KLHDC1: variants seen among roughly 807,000 people sequenced by gnomAD.
KLHDC1 encodes the protein kelch domain-containing protein 1.
KLHDC1 carries 53 observed loss-of-function variants against 68.3 expected under a neutral mutation model. That is an observed-to-expected ratio of 0.78 (90% CI 0.62 to 0.98). The LOEUF (loss-of-function observed/expected upper bound fraction) is 0.98, where lower values mean the gene tolerates loss of function less well. Among genes scored for constraint, KLHDC1 ranks in the 50% least tolerant of loss-of-function variants. The pLI is 0.00. For synonymous variants in KLHDC1, 148 were observed against 159.0 expected (o/e 0.93, Z 0.52); for missense variants, 470 against 492.3 (o/e 0.95, Z 0.43).
chr14:49,705,328 A>C (rs1447174464), intron 1 of KLHDC1, among the ~76,000 whole-genome samples: 2 of 149,582 alleles, frequency 1.3e-5, no homozygotes, highest in African/African-American at 4.9e-5. Flanking sequence ...ACTTAAACAG[A>C]GTAATGACAA....
At chr14:49,707,733 C>G (rs1888095332) in intron 1 of KLHDC1, 2 of 150,216 alleles carry the variant, frequency 1.3e-5, no homozygotes. Context: ...TCACTACAGC[C>G]TCGAACTCCT....
At position 49,751,607 on chromosome 14, in the gene KLHDC1, T is replaced by C. The variant is rs1437769735; in HGVS notation, c.1056T>C (p.Gly352=). 3 of 1,570,288 alleles carry C rather than the reference T, an allele frequency of 1.9e-6. No individual in the cohort carries two copies. Among genetic ancestry groups the C allele is most frequent in the Admixed American group, 3.6e-5 (2 of 55,148 alleles). Residue 352 remains glycine (G), a synonymous_variant, in exon 13 of 13, where the codon GGT becomes GGC. Coordinates refer to ENST00000359332, the MANE Select transcript of KLHDC1 (RefSeq NM_172193.3). ...SLLRSCLDCI[G]KNSIMLESQI... ...ACAGGTCATGCCTTGACTGCATTGG[T>C]AAAAATTCTATCATGTTAGAAAGTC... is the stretch of plus-strand genomic sequence containing the variant.
intron 4 of KLHDC1, among the ~76,000 whole-genome samples, chr14:49,711,204 T>G (rs1341601347): frequency 6.6e-6 from 1 of 151,484 alleles, no homozygotes; most frequent in Non-Finnish European, 1.5e-5. Context: ...GTTTGTTTAT[T>G]TATTTATTTA....
At position 49,696,958 on chromosome 14, in the gene KLHDC1, A is replaced by G. The variant is rs530904903; in HGVS notation, c.96+3668A>G. 3.0e-3 allele frequency among the ~76,000 whole-genome samples: 440 copies of G among 148,610 alleles called. 3 individuals carry two copies. Among genetic ancestry groups the G allele is most frequent in the African/African-American group, 0.011 (425 of 40,270 alleles). On this transcript the variant is annotated intron_variant, in intron 1 of 12. Coordinates refer to ENST00000359332, the MANE Select transcript of KLHDC1 (RefSeq NM_172193.3). ...ACTTTCTTTTTTTTTTTTTTTTAAG[A>G]CGGAGTCTCGCTCCATCGCCGAGGC...
intron 1 of KLHDC1, chr14:49,708,719 T>A (rs1007839259): frequency 6.5e-6 from 1 of 153,616 alleles, no homozygotes; most frequent in African/African-American, 2.4e-5. Flanking sequence ...CTGAGATATC[T>A]TAATAAGATA....
chr14:49,712,254 G>A (rs972099049), intron 4 of KLHDC1, among the ~76,000 whole-genome samples: 7 of 151,942 alleles, frequency 4.6e-5, no homozygotes, highest in African/African-American at 1.7e-4. Context: ...TTTTATTCTA[G>A]AGATTTCCTT....
intron 1 of KLHDC1, among the ~76,000 whole-genome samples, chr14:49,695,263 G>C (rs1204630605): frequency 6.6e-6 from 1 of 151,982 alleles, no homozygotes; most frequent in Non-Finnish European, 1.5e-5. Flanking sequence ...GCTAATTTTT[G>C]TATTTTTTAC....
At chr14:49,726,505 C>T (rs1009164296) in intron 6 of KLHDC1, among the ~76,000 whole-genome samples, 1 of 152,164 alleles carries the variant, frequency 6.6e-6, no homozygotes, top group Non-Finnish European at 1.5e-5. Flanking sequence ...ATTCTTTACC[C>T]ACAAGTGTCA....
In KLHDC1 at chr14:49,693,127, G is replaced by A. The variant is rs1207009603; in HGVS notation, c.-68G>A. ...TCCGTTCGTGCGTGGAGCAGTCGGG[G>A]CTGGAGGCGAGGCCGCCGGGCGGGC... On this transcript the variant is annotated 5_prime_UTR_variant, in exon 1 of 13. Coordinates refer to ENST00000359332, the MANE Select transcript of KLHDC1 (RefSeq NM_172193.3). 2 of 1,379,780 alleles carry A rather than the reference G, an allele frequency of 1.4e-6. No individual in the cohort carries two copies. The highest frequency in any genetic ancestry group is 5.7e-5 in the East Asian group (2 of 35,108). The allele number at this position is 1,379,780 out of a possible 1,614,324, so 85.5% of individuals were successfully genotyped here. A position where few individuals can be genotyped will look rare whatever the true frequency, so the allele number is the denominator to read the frequency against.
intron 6 of KLHDC1, among the ~76,000 whole-genome samples, chr14:49,726,974 C>G (rs1024238376): frequency 5.9e-5 from 9 of 152,014 alleles, no homozygotes; most frequent in Non-Finnish European, 1.3e-4. Context: ...GCTGGGCTTG[C>G]TGGCTCATGC....
chr14:49,698,040 A>T (rs2139726917), intron 1 of KLHDC1, among the ~76,000 whole-genome samples: 1 of 152,294 alleles, frequency 6.6e-6, no homozygotes, highest in East Asian at 1.9e-4. Context: ...AAGAGTCTAG[A>T]TATAAAGGTG....
intron 12 of KLHDC1, among the ~76,000 whole-genome samples, chr14:49,748,962 G>A (rs953049341): frequency 4.6e-5 from 7 of 151,644 alleles, no homozygotes; most frequent in African/African-American, 7.3e-5. Flanking sequence ...CATCACACCC[G>A]GCTAATTTTT....
intron 9 of KLHDC1, among the ~76,000 whole-genome samples, chr14:49,733,922 G>C: frequency 6.6e-6 from 1 of 152,172 alleles, no homozygotes; most frequent in African/African-American, 2.4e-5. Flanking sequence ...ACAGTTCCTA[G>C]TAGGAGATGT....
In KLHDC1 at chr14:49,697,002, T is replaced by C. The variant is rs1395587271; in HGVS notation, c.96+3712T>C. 4.6e-5 allele frequency among the ~76,000 whole-genome samples: 7 copies of C among 151,802 alleles called. No individual in the cohort carries two copies. The East Asian group carries it at 1.4e-3, about 30-fold the overall frequency. ...CCGAGGCTGGAGTGCAGTGGCACAATCTTGGCTCACTGCAAGCTCTGCCTC... is the reference window on the plus strand; with the variant it reads ...CCGAGGCTGGAGTGCAGTGGCACAACCTTGGCTCACTGCAAGCTCTGCCTC... On this transcript the variant is annotated intron_variant, in intron 1 of 12. Coordinates refer to ENST00000359332, the MANE Select transcript of KLHDC1 (RefSeq NM_172193.3).
At chr14:49,694,071 A>G (rs968953600) in intron 1 of KLHDC1, among the ~76,000 whole-genome samples, 1 of 151,884 alleles carries the variant, frequency 6.6e-6, no homozygotes, top group Non-Finnish European at 1.5e-5. Flanking sequence ...AATATTTCTA[A>G]GCTATTTTTA....
intron 12 of KLHDC1, among the ~76,000 whole-genome samples, chr14:49,747,874 T>A (rs1889236251): frequency 6.6e-6 from 1 of 152,260 alleles, no homozygotes; most frequent in East Asian, 1.9e-4. Flanking sequence ...AGGAGATGAC[T>A]GGCTGAATTT....
At chr14:49,717,739 G>A (rs189509365) in intron 4 of KLHDC1, among the ~76,000 whole-genome samples, 26 of 152,012 alleles carry the variant, frequency 1.7e-4, no homozygotes, top group African/African-American at 6.3e-4. Flanking sequence ...TGGGATTGGT[G>A]TTAATTCTTT....
In KLHDC1 at chr14:49,693,157, G is replaced by C; in HGVS notation, c.-38G>C. On this transcript the variant is annotated 5_prime_UTR_variant, in exon 1 of 13. Coordinates refer to ENST00000359332, the MANE Select transcript of KLHDC1 (RefSeq NM_172193.3). ...AGGCGAGGCCGCCGGGCGGGCAGGG[G>C]TTGTGGCGCGGCAAGCGGCGGGCCA... The C allele has an allele frequency of 6.4e-7, 1 of 1,551,592 alleles. No homozygotes were observed. The highest frequency in any genetic ancestry group is 8.7e-7 in the Non-Finnish European group (1 of 1,146,278).
intron 4 of KLHDC1, among the ~76,000 whole-genome samples, chr14:49,722,237 C>T (rs866568560): frequency 5.9e-5 from 9 of 152,188 alleles, no homozygotes; most frequent in African/African-American, 2.2e-4. Flanking sequence ...ATTAACACAT[C>T]ATTTACATTA....
Sources: allele counts gnomAD v4.1 joint callset (sites outside exome capture counted in the v4.1 genomes callset), GRCh38; gene constraint gnomAD v4.1.1; transcripts MANE v1.5; gene names NCBI Gene and HGNC (gene_info 2026-07-23, HGNC 2026-07-21).